The following RBFOX1 variants were observed in gnomAD, a reference collection of about 807,000 sequenced individuals.
The protein encoded by RBFOX1 is RNA binding protein fox-1 homolog 1.
In RBFOX1, 8 loss-of-function variants were observed where a neutral mutation model predicts 57.7. That is an observed-to-expected ratio of 0.14 (90% CI 0.08 to 0.25). The LOEUF (loss-of-function observed/expected upper bound fraction) is 0.25. RBFOX1 is among the 10% of genes least tolerant of loss of function. RBFOX1 has a pLI of 1.00. For missense variants in RBFOX1, 611 were observed against 548.5 expected (o/e 1.11, Z -1.14); for synonymous variants, 326 against 222.4 (o/e 1.47, Z -4.15).
intron 1 of RBFOX1, chr16:6,092,918 C>T (rs969715418): frequency 6.6e-6 from 1 of 151,788 alleles, no homozygotes; most frequent in Non-Finnish European, 1.5e-5. Context: ...TTTTTTAATT[C>T]CTATGGTGGG....
intron 2 of RBFOX1, among the ~76,000 whole-genome samples, chr16:6,642,581 C>G (rs1350681561): frequency 2.6e-5 from 4 of 151,804 alleles, no homozygotes; most frequent in Non-Finnish European, 4.4e-5. Context: ...CTCTTGTCCT[C>G]TCATAACCAC....
At chr16:7,589,574 C>A (rs1369718852) in intron 7 of RBFOX1, among the ~76,000 whole-genome samples, 1 of 151,550 alleles carries the variant, frequency 6.6e-6, no homozygotes, top group African/African-American at 2.4e-5. Context: ...TCTGAAAGAG[C>A]TTGTCTTGCA....
intron 1 of RBFOX1, among the ~76,000 whole-genome samples, chr16:5,280,162 T>C (rs1445791915): frequency 6.6e-6 from 1 of 152,260 alleles, no homozygotes; most frequent in Non-Finnish European, 1.5e-5. Context: ...TAAGTTTTAC[T>C]GAGTGATTTT....
At chr16:6,797,827 T>A (rs2154254086) in intron 3 of RBFOX1, among the ~76,000 whole-genome samples, 1 of 152,300 alleles carries the variant, frequency 6.6e-6, no homozygotes, top group South Asian at 2.1e-4. Context: ...TCTGCAATCA[T>A]GAGCTCTAGA....
intron 1 of RBFOX1, among the ~76,000 whole-genome samples, chr16:6,268,997 T>A (rs1316991124): frequency 6.6e-6 from 1 of 152,182 alleles, no homozygotes; most frequent in Admixed American, 6.6e-5. Context: ...TGGGGACATA[T>A]CTCTCACTTC....
intron 4 of RBFOX1, among the ~76,000 whole-genome samples, chr16:7,348,968 C>G (rs1167332201): frequency 1.3e-5 from 2 of 152,068 alleles, no homozygotes; most frequent in African/African-American, 4.8e-5. Flanking sequence ...AAGAGAGAGG[C>G]AGAGATTGAT....
intron 3 of RBFOX1, among the ~76,000 whole-genome samples, chr16:5,716,878 A>T (rs1028316201): frequency 1.3e-5 from 2 of 152,142 alleles, no homozygotes; most frequent in Non-Finnish European, 2.9e-5. Context: ...TGCCCCTAAA[A>T]TGTCCAAGCC....
rs531833099 is a variant in RBFOX1 at position 6,371,120 on chromosome 16, A to G, written c.-64+54063A>G. Reference sequence around the variant, plus strand: ...GATATTAACATCAGTCCTTTGGATCATATGATGTCTCTCAGATATCTCCAG... The same window carrying G: ...GATATTAACATCAGTCCTTTGGATCGTATGATGTCTCTCAGATATCTCCAG... On this transcript the variant is annotated intron_variant, in intron 2 of 15. Coordinates refer to ENST00000550418, the MANE Select transcript of RBFOX1 (RefSeq NM_018723.4). Among the ~76,000 whole-genome samples the G allele has an allele frequency of 9.2e-5, 14 of 152,350 alleles. No individual in the cohort carries two copies. The South Asian group carries it at 2.7e-3, about 29-fold the overall frequency.
chr16:7,697,078 T>G (rs2079029917), intron 14 of RBFOX1, among the ~76,000 whole-genome samples: 1 of 152,116 alleles, frequency 6.6e-6, no homozygotes, highest in African/African-American at 2.4e-5. Context: ...GAGGGAGGGT[T>G]GTAATCTGAC....
intron 3 of RBFOX1, among the ~76,000 whole-genome samples, chr16:5,689,823 A>G (rs994613121): frequency 2.6e-5 from 4 of 152,130 alleles, no homozygotes; most frequent in African/African-American, 9.7e-5. Context: ...AAAAGAAGGA[A>G]CACATTTGTA....
intron 6 of RBFOX1, among the ~76,000 whole-genome samples, chr16:7,584,859 G>A (rs1201678166): frequency 6.6e-6 from 1 of 152,138 alleles, no homozygotes; most frequent in Non-Finnish European, 1.5e-5. Flanking sequence ...CACCGGCTTT[G>A]AGAACCGTCA....
chr16:7,123,952 C>T (rs2067795605), intron 4 of RBFOX1, among the ~76,000 whole-genome samples: 1 of 152,138 alleles, frequency 6.6e-6, no homozygotes, highest in Admixed American at 6.6e-5. Context: ...TGTATTAATG[C>T]TACATCAGTG....
intron 4 of RBFOX1, among the ~76,000 whole-genome samples, chr16:7,397,194 G>A (rs1284526363): frequency 6.6e-6 from 1 of 152,136 alleles, no homozygotes; most frequent in African/African-American, 2.4e-5. Flanking sequence ...TCTATCTCTG[G>A]TGCTGAGTGT....
intron 1 of RBFOX1, among the ~76,000 whole-genome samples, chr16:5,349,781 A>G (rs1450817592): frequency 6.6e-6 from 1 of 152,122 alleles, no homozygotes; most frequent in Non-Finnish European, 1.5e-5. Context: ...TTTGGCGGGG[A>G]CCACAGGAGC....
intron 3 of RBFOX1, among the ~76,000 whole-genome samples, chr16:7,004,823 G>A (rs368179557): frequency 2.6e-5 from 4 of 152,156 alleles, no homozygotes; most frequent in East Asian, 3.9e-4. Flanking sequence ...TGGGTCAGCT[G>A]TTGGAACCTG....
At chr16:6,038,629 A>G (rs1011426136) in intron 1 of RBFOX1, 7 of 148,410 alleles carry the variant, frequency 4.7e-5, no homozygotes, top group Non-Finnish European at 5.9e-5. Flanking sequence ...ATATATATAT[A>G]TATGTGTATG....
At chr16:7,526,037 G>A (rs1231439668) in intron 5 of RBFOX1, among the ~76,000 whole-genome samples, 1 of 151,584 alleles carries the variant, frequency 6.6e-6, no homozygotes, top group Non-Finnish European at 1.5e-5. Flanking sequence ...GGATGAGTGA[G>A]CATTACCACT....
chr16:5,380,349 G>A (rs1596751846), intron 1 of RBFOX1, among the ~76,000 whole-genome samples: 1 of 152,158 alleles, frequency 6.6e-6, no homozygotes, highest in Non-Finnish European at 1.5e-5. Flanking sequence ...CGTACAGAGC[G>A]GTTAGAACAA....
chr16:6,883,100 A>G (rs998325263), intron 3 of RBFOX1, among the ~76,000 whole-genome samples: 3 of 152,188 alleles, frequency 2.0e-5, no homozygotes, highest in African/African-American at 4.8e-5. Context: ...TGTAATTAGT[A>G]TGAATGGCTA....
Sources: allele counts gnomAD v4.1 joint callset (sites outside exome capture counted in the v4.1 genomes callset), GRCh38; gene constraint gnomAD v4.1.1; transcripts MANE v1.5; gene names NCBI Gene and HGNC (gene_info 2026-07-23, HGNC 2026-07-21).